PLCB1: variants seen among roughly 807,000 people sequenced by gnomAD.
PLCB1 encodes 1-phosphatidylinositol 4,5-bisphosphate phosphodiesterase beta-1.
Under a neutral mutation model 161.8 loss-of-function variants are expected in PLCB1, and 46 were observed. The observed-to-expected ratio is 0.28, with a 90% CI of 0.22 to 0.36. The LOEUF is 0.36. Among genes scored for constraint, PLCB1 ranks in the 10% least tolerant of loss-of-function variants. The pLI, the probability that PLCB1 is intolerant of heterozygous loss-of-function variation, is 1.00. For missense variants in PLCB1, 1,016 were observed against 1,472.5 expected (o/e 0.69, Z 5.07); for synonymous variants, 517 against 503.7 (o/e 1.03, Z -0.35).
chr20:8,768,330 T>G (rs1490369803), intron 26 of PLCB1, among the ~76,000 whole-genome samples: 2 of 152,076 alleles, frequency 1.3e-5, no homozygotes, highest in Non-Finnish European at 2.9e-5. Flanking sequence ...ATCACTCCAG[T>G]CTCTACCTCC....
At chr20:8,318,926 T>C (rs1452239185) in intron 2 of PLCB1, among the ~76,000 whole-genome samples, 1 of 152,154 alleles carries the variant, frequency 6.6e-6, no homozygotes, top group African/African-American at 2.4e-5. Flanking sequence ...ATTGTCACTC[T>C]TTTTTGTTTG....
intron 3 of PLCB1, among the ~76,000 whole-genome samples, chr20:8,380,097 G>A (rs1017258428): frequency 6.6e-6 from 1 of 152,134 alleles, no homozygotes; most frequent in Admixed American, 6.5e-5. Flanking sequence ...TATGGTTTTG[G>A]GTTTTACATT....
intron 4 of PLCB1, among the ~76,000 whole-genome samples, chr20:8,642,156 A>G (rs1988976867): frequency 6.6e-6 from 1 of 152,032 alleles, no homozygotes; most frequent in South Asian, 2.1e-4. Flanking sequence ...TTTTTTTGTA[A>G]TTATGTATGA....
intron 2 of PLCB1, among the ~76,000 whole-genome samples, chr20:8,240,926 G>A (rs1449496502): frequency 1.3e-5 from 2 of 151,836 alleles, no homozygotes; most frequent in African/African-American, 4.8e-5. Flanking sequence ...GTTCTGATTG[G>A]TCATTTAAAT....
chr20:8,182,702 T>A (rs887525619), intron 2 of PLCB1, among the ~76,000 whole-genome samples: 16 of 151,598 alleles, frequency 1.1e-4, no homozygotes, highest in African/African-American at 3.9e-4. Flanking sequence ...TGCCTCAGCC[T>A]CCTGTGTAGC....
At chr20:8,690,282 A>G (rs1990447033) in intron 10 of PLCB1, among the ~76,000 whole-genome samples, 1 of 152,020 alleles carries the variant, frequency 6.6e-6, no homozygotes, top group Admixed American at 6.5e-5. Flanking sequence ...CACTGAGAAC[A>G]GCAGGTGTTA....
At chr20:8,854,604 CTATT>C (rs1302358783) in intron 31 of PLCB1, among the ~76,000 whole-genome samples, 2 of 152,186 alleles carry the variant, frequency 1.3e-5, no homozygotes, top group African/African-American at 4.8e-5. Flanking sequence ...TGCTGTTAAA[CTATT>C]TATAATAAAT....
intron 3 of PLCB1, among the ~76,000 whole-genome samples, chr20:8,536,006 T>A (rs1383348653): frequency 6.6e-6 from 1 of 151,916 alleles, no homozygotes; most frequent in Non-Finnish European, 1.5e-5. Context: ...TCTTTTTCCC[T>A]CCTGAAGTTA....
At chr20:8,134,891 C>T (rs992527331) in intron 1 of PLCB1, among the ~76,000 whole-genome samples, 1 of 151,578 alleles carries the variant, frequency 6.6e-6, no homozygotes, top group Non-Finnish European at 1.5e-5. Context: ...AAAACCTAGA[C>T]TGCACTCAGG....
chr20:8,489,599 G>A (rs766497486), intron 3 of PLCB1, among the ~76,000 whole-genome samples: 28 of 152,114 alleles, frequency 1.8e-4, no homozygotes, highest in South Asian at 1.0e-3. Context: ...AGCAAGTTCT[G>A]GTTTGGGTCA....
chr20:8,380,575 A>G (rs1987225871), intron 3 of PLCB1, among the ~76,000 whole-genome samples: 1 of 152,186 alleles, frequency 6.6e-6, no homozygotes, highest in African/African-American at 2.4e-5. Context: ...CTTCCTATCC[A>G]TGATGATGGA....
chr20:8,721,563 T>C (rs1020269933), intron 14 of PLCB1, among the ~76,000 whole-genome samples: 1 of 152,220 alleles, frequency 6.6e-6, no homozygotes, highest in Non-Finnish European at 1.5e-5. Context: ...GAGTGTATAT[T>C]GGCTACATAT....
intron 31 of PLCB1, among the ~76,000 whole-genome samples, chr20:8,874,998 GAATTAAATTA>G (rs139844872): frequency 1.3e-5 from 2 of 151,528 alleles, no homozygotes; most frequent in African/African-American, 4.8e-5. Flanking sequence ...TAAATTTAAT[GAATTAAATTA>G]AATTAATCAA....
intron 3 of PLCB1, among the ~76,000 whole-genome samples, chr20:8,556,448 T>C (rs1378813346): frequency 6.6e-6 from 1 of 152,082 alleles, no homozygotes; most frequent in Non-Finnish European, 1.5e-5. Flanking sequence ...AGCTGGAGAA[T>C]GAGTTACTTT....
intron 2 of PLCB1, among the ~76,000 whole-genome samples, chr20:8,279,450 G>C (rs1982767656): frequency 1.3e-5 from 2 of 152,186 alleles, no homozygotes. Flanking sequence ...GGACTGGGGA[G>C]AAGGAAGAAT....
At chr20:8,875,365 T>C (rs908366174) in intron 31 of PLCB1, among the ~76,000 whole-genome samples, 2 of 148,994 alleles carry the variant, frequency 1.3e-5, no homozygotes, top group African/African-American at 4.9e-5. Context: ...AGATTGTTAT[T>C]GGCTTCATAT....
chr20:8,472,859 A>T (rs1445599117), intron 3 of PLCB1, among the ~76,000 whole-genome samples: 1 of 152,156 alleles, frequency 6.6e-6, no homozygotes, highest in Admixed American at 6.6e-5. Flanking sequence ...CCCACATCTC[A>T]GTAGCTTAAC....
In PLCB1 at chr20:8,717,841, A is replaced by G; in HGVS notation, c.1506A>G (p.Pro502=). The change falls in exon 14 of 32, where the codon CCA becomes CCG. Residue 502 remains proline (P), a synonymous_variant. Transcript: ENST00000338037. ...CCAGCATGTTCGAGCCCTCATCCCC[A>G]GGAGCCGGTGAGGGGCTGGTGGGCT... is the stretch of plus-strand genomic sequence containing the variant. ...DSSSMFEPSS[P]GAGEADTESD... 6.2e-7 allele frequency: 1 copy of G among 1,605,694 alleles called. No homozygotes were observed.
At chr20:8,643,943 C>T (rs28698684) in intron 4 of PLCB1, among the ~76,000 whole-genome samples, 28,089 of 151,252 alleles carry the variant, frequency 0.19, 2,112 homozygotes, top group Admixed American at 0.3. Flanking sequence ...TGCAGGCGCG[C>T]GCCGCCACGC....
Sources: allele counts gnomAD v4.1 joint callset (sites outside exome capture counted in the v4.1 genomes callset), GRCh38; gene constraint gnomAD v4.1.1; transcripts MANE v1.5; gene names NCBI Gene and HGNC (gene_info 2026-07-23, HGNC 2026-07-21).